PARG: variants seen among roughly 807,000 people sequenced by gnomAD.
The protein encoded by PARG is mitochondrial poly(ADP-ribose) glycohydrolase.
A neutral mutation model predicts 113.0 loss-of-function variants in PARG; 35 were observed. The ratio of observed to expected loss-of-function variants is 0.31; its 90% CI spans 0.24 to 0.41. PARG has a LOEUF of 0.41. PARG is among the 10% of genes least tolerant of loss of function. The pLI, the probability that PARG is intolerant of heterozygous loss-of-function variation, is 1.00. For missense variants in PARG, 797 were observed against 1,169.4 expected (o/e 0.68, Z 4.64); for synonymous variants, 330 against 409.9 (o/e 0.81, Z 2.36).
At chr10:49,885,331 T>C in intron 7 of PARG, 36 bp from the exon 8 acceptor site, 4 of 1,241,582 alleles carry the variant, frequency 3.2e-6, no homozygotes, top group Non-Finnish European at 4.7e-6. Context: ...TGAATAACAA[T>C]AACCAGTAAA....
At chr10:49,883,779 G>C (rs1847325154) in intron 8 of PARG, among the ~76,000 whole-genome samples, 1 of 149,352 alleles carries the variant, frequency 6.7e-6, no homozygotes, top group South Asian at 2.1e-4. Context: ...CCAGCCTGGG[G>C]GACAAGGATG....
chr10:49,879,748 A>C lies in PARG; in HGVS notation c.1913T>G (p.Phe638Cys). 1 of 1,569,508 alleles carries C rather than the reference A, an allele frequency of 6.4e-7. No homozygotes were observed. Among genetic ancestry groups the C allele is most frequent in the Non-Finnish European group, 8.7e-7 (1 of 1,153,798 alleles). Residue 638 changes from phenylalanine to cysteine, a missense_variant, in exon 9 of 18, where the codon TTC (phenylalanine) becomes TGC (cysteine). Transcript: ENST00000616448. ...ATTTCGTCGTGGAAATGTGCAGAAG[A>C]AAGCATTAGCTAAAAGACTGGCAAT... The part of the protein sequence containing the change: ...EQIASLLANA[F>C]FCTFPRRNAK...
chr10:49,929,930 G>A (rs1838404352), intron 4 of PARG, among the ~76,000 whole-genome samples: 1 of 150,318 alleles, frequency 6.7e-6, no homozygotes. Context: ...TTTGAAAGTA[G>A]GAGTTAGGGA....
intron 7 of PARG, among the ~76,000 whole-genome samples, chr10:49,910,797 T>C (rs1837132528): frequency 6.6e-6 from 1 of 152,206 alleles, no homozygotes; most frequent in South Asian, 2.1e-4. Context: ...TACATAAAAA[T>C]ATATATGTAT....
At chr10:49,887,802 C>T (rs1406969252) in intron 7 of PARG, among the ~76,000 whole-genome samples, 3 of 152,172 alleles carry the variant, frequency 2.0e-5, no homozygotes, top group African/African-American at 7.2e-5. Context: ...GAAATCACTT[C>T]CTGTAAACAG....
intron 8 of PARG, among the ~76,000 whole-genome samples, chr10:49,882,025 AG>A (rs1212710049): frequency 5.9e-5 from 9 of 152,232 alleles, no homozygotes; most frequent in Admixed American, 1.3e-4. Context: ...CAAGTTATTC[AG>A]AAAAATGATT....
Position 49,842,204 on chromosome 10 carries a change from A to G in PARG, c.2433-146T>C, listed in dbSNP as rs1392695943. ...CTGCAGGTCTGAGCAAAAGGAAAGGAAAGGAAACACCCTTTATTTTTAGAT... is the reference window on the plus strand; with the variant it reads ...CTGCAGGTCTGAGCAAAAGGAAAGGGAAGGAAACACCCTTTATTTTTAGAT... On this transcript the variant is annotated intron_variant, in intron 14 of 17. Coordinates refer to ENST00000616448, the MANE Select transcript of PARG (RefSeq NM_003631.5). 8.2e-5 allele frequency: 51 copies of G among 620,292 alleles called. No individual in the cohort carries two copies. In the East Asian group the frequency reaches 1.2e-3, roughly 15 times the overall value. The allele number at this position is 620,292 out of a possible 1,614,324, so 38.4% of individuals were successfully genotyped here. A position where few individuals can be genotyped will look rare whatever the true frequency, so the allele number is the denominator to read the frequency against.
At chr10:49,931,149 G>T (rs1214776193) in intron 4 of PARG, among the ~76,000 whole-genome samples, 1 of 151,232 alleles carries the variant, frequency 6.6e-6, no homozygotes, top group South Asian at 2.1e-4. Context: ...CCAGGTTCTT[G>T]GCTTGTAACT....
At chr10:49,922,862 T>C (rs1171088422) in intron 4 of PARG, among the ~76,000 whole-genome samples, 193 bp from the exon 5 acceptor site, 2 of 152,208 alleles carry the variant, frequency 1.3e-5, no homozygotes, top group South Asian at 2.1e-4. Context: ...ATATAGTATA[T>C]ATTCTAGCTC....
intron 7 of PARG, among the ~76,000 whole-genome samples, chr10:49,905,246 G>C (rs1455677363): frequency 2.0e-5 from 3 of 152,286 alleles, no homozygotes; most frequent in Non-Finnish European, 4.4e-5. Context: ...ACTGATAGTG[G>C]AATGTCAGTA....
intron 6 of PARG, among the ~76,000 whole-genome samples, chr10:49,917,848 A>AT (rs1837591296): frequency 6.6e-6 from 1 of 151,174 alleles, no homozygotes; most frequent in South Asian, 2.1e-4. Context: ...GAAAAAAAAA[A>AT]TTAAAAGATT....
chr10:49,939,729 G>A (rs1838927479), intron 1 of PARG, among the ~76,000 whole-genome samples: 1 of 152,144 alleles, frequency 6.6e-6, no homozygotes, highest in Non-Finnish European at 1.5e-5. Flanking sequence ...ACCAACTTTT[G>A]CATGTCTTAT....
At position 49,908,281 on chromosome 10, in the gene PARG, A is replaced by G. The variant is rs569338227; in HGVS notation, c.1737+7636T>C. Among the ~76,000 whole-genome samples the G allele has an allele frequency of 1.4e-3, 216 of 152,330 alleles. 1 individual carries two copies. Among genetic ancestry groups the G allele is most frequent in the African/African-American group, 5.0e-3 (208 of 41,586 alleles). ...AAATCATAAATATGAGACCATCAAC[A>G]TATGTCCCAATTCAAAAGCACTCAT... On this transcript the variant is annotated intron_variant, in intron 7 of 17. Transcript: ENST00000616448.
chr10:49,820,144 T>C, intron 17 of PARG, 21 bp downstream of exon 17: 1 of 1,505,574 alleles, frequency 6.6e-7, no homozygotes, highest in Non-Finnish European at 9.0e-7. Context: ...ATACCAAGTG[T>C]CAAGAGTATC....
intron 10 of PARG, among the ~76,000 whole-genome samples, chr10:49,867,845 G>T (rs1846593771): frequency 6.6e-6 from 1 of 151,640 alleles, no homozygotes; most frequent in Admixed American, 6.6e-5. Context: ...TACATGATTT[G>T]ACTCCCAGGA....
At chr10:49,862,496 C>CT (rs1554836135) in intron 11 of PARG, among the ~76,000 whole-genome samples, 1 of 151,844 alleles carries the variant, frequency 6.6e-6, no homozygotes, top group East Asian at 1.9e-4. Flanking sequence ...TGTTTGATTC[C>CT]TTCCTGGTTT....
chr10:49,891,606 TATATATA>T (rs1554841523), intron 7 of PARG, among the ~76,000 whole-genome samples: 3 of 42,170 alleles, frequency 7.1e-5, no homozygotes, highest in African/African-American at 2.9e-4. Context: ...TATATATATA[TATATATA>T]TATATATATA....
At chr10:49,833,336 C>T (rs1844763216) in intron 15 of PARG, 1 of 152,764 alleles carries the variant, frequency 6.5e-6, no homozygotes, top group African/African-American at 2.4e-5. Context: ...CTATTTTTTT[C>T]ATCAGGCAAA....
chr10:49,839,905 T>C (rs940736243), intron 15 of PARG, among the ~76,000 whole-genome samples: 7 of 152,212 alleles, frequency 4.6e-5, no homozygotes, highest in East Asian at 1.9e-4. Flanking sequence ...AATGTCCTCT[T>C]GACCGTGTGA....
Sources: gnomAD v4.1 joint callset for allele counts (sites outside exome capture counted in the v4.1 genomes callset) on GRCh38, gnomAD v4.1.1 for gene constraint, MANE v1.5 for transcripts, NCBI Gene and HGNC (gene_info 2026-07-23, HGNC 2026-07-21) for gene names.